SGCZ: variants seen among roughly 807,000 people sequenced by gnomAD.
SGCZ encodes sarcoglycan zeta.
In SGCZ, 40 loss-of-function variants were observed where a neutral mutation model predicts 41.3. The ratio of observed to expected loss-of-function variants is 0.97; its 90% CI spans 0.75 to 1.26. The LOEUF (loss-of-function observed/expected upper bound fraction) is 1.26. Among genes scored for constraint, SGCZ ranks in the 50% most tolerant of loss-of-function variants. SGCZ has a pLI of 0.00. For missense variants in SGCZ, 552 were observed against 369.8 expected (o/e 1.49, Z -4.04); for synonymous variants, 206 against 137.5 (o/e 1.50, Z -3.49).
chr8:14,164,724 A>C (rs1461265369), intron 4 of SGCZ, 22 bp from the exon 5 acceptor site: 2 of 1,610,832 alleles, frequency 1.2e-6, no homozygotes, highest in Non-Finnish European at 1.7e-6. Context: ...GGAAAGGTTT[A>C]AAAATGAAAC....
chr8:14,652,364 G>C, intron 1 of SGCZ, among the ~76,000 whole-genome samples: 2 of 103,016 alleles, frequency 1.9e-5, no homozygotes, highest in Admixed American at 1.1e-4. Context: ...GTGTGGGGGG[G>C]AGAAAACACT....
intron 1 of SGCZ, among the ~76,000 whole-genome samples, chr8:14,940,088 T>A (rs1260598542): frequency 6.6e-6 from 1 of 152,194 alleles, no homozygotes; most frequent in African/African-American, 2.4e-5. Context: ...CTTAAGTCAC[T>A]GGAAAACATG....
At chr8:14,965,834 T>A (rs143747568) in intron 1 of SGCZ, among the ~76,000 whole-genome samples, 2 of 152,162 alleles carry the variant, frequency 1.3e-5, no homozygotes, top group Non-Finnish European at 2.9e-5. Flanking sequence ...TATCATAAAC[T>A]ACAGCAGGGC....
chr8:14,714,871 A>T (rs1172172535), intron 1 of SGCZ, among the ~76,000 whole-genome samples: 2 of 152,104 alleles, frequency 1.3e-5, no homozygotes, highest in Non-Finnish European at 2.9e-5. Flanking sequence ...GAATGCGGGG[A>T]TGTTTTTTTC....
chr8:14,549,854 T>A (rs1803745899), intron 2 of SGCZ, among the ~76,000 whole-genome samples: 1 of 152,044 alleles, frequency 6.6e-6, no homozygotes. Context: ...AGATAGGTGA[T>A]CAGATTTGTA....
chr8:15,081,218 C>T (rs1397077491), intron 1 of SGCZ, among the ~76,000 whole-genome samples: 1 of 152,126 alleles, frequency 6.6e-6, no homozygotes, highest in Non-Finnish European at 1.5e-5. Context: ...CTTTCTGTGT[C>T]TTCCCTGAAA....
chr8:14,269,731 G>T (rs2117259531), intron 3 of SGCZ, among the ~76,000 whole-genome samples: 1 of 152,244 alleles, frequency 6.6e-6, no homozygotes, highest in African/African-American at 2.4e-5. Context: ...CATCCCCAGT[G>T]AGTGTACAAA....
At chr8:14,466,515 A>T (rs1801054987) in intron 2 of SGCZ, among the ~76,000 whole-genome samples, 2 of 151,946 alleles carry the variant, frequency 1.3e-5, no homozygotes, top group African/African-American at 2.4e-5. Flanking sequence ...TTGAAAATTC[A>T]GTGTCATTAT....
At chr8:14,448,808 C>T (rs1484588371) in intron 2 of SGCZ, among the ~76,000 whole-genome samples, 2 of 152,126 alleles carry the variant, frequency 1.3e-5, no homozygotes, top group Non-Finnish European at 2.9e-5. Context: ...GTCTTTCTGG[C>T]CTCTGACTCT....
chr8:15,212,879 C>T (rs996120970), intron 1 of SGCZ, among the ~76,000 whole-genome samples: 8 of 152,004 alleles, frequency 5.3e-5, no homozygotes, highest in African/African-American at 1.7e-4. Flanking sequence ...ACAGTATTAA[C>T]CTTCTATCTT....
In SGCZ at chr8:14,411,072, T is replaced by C. The variant is rs1053600916; in HGVS notation, c.235-86868A>G. On this transcript the variant is annotated intron_variant, in intron 2 of 7. Transcript: ENST00000382080. ...TTTAAAAAGCTAAAGAACATTTAGA[T>C]AGTAAACAACTCTACTATGAAATTA... Among the ~76,000 whole-genome samples, 3 of 152,156 alleles carry C rather than the reference T, an allele frequency of 2.0e-5. No homozygotes were observed. In the South Asian group the frequency reaches 6.2e-4, roughly 31 times the overall value.
At chr8:15,007,356 A>C (rs540245910) in intron 1 of SGCZ, among the ~76,000 whole-genome samples, 1 of 152,354 alleles carries the variant, frequency 6.6e-6, no homozygotes, top group South Asian at 2.1e-4. Flanking sequence ...TCTGAGTCTC[A>C]ATCAAAAATA....
intron 1 of SGCZ, among the ~76,000 whole-genome samples, chr8:14,832,451 G>A (rs1343920345): frequency 6.6e-6 from 1 of 152,028 alleles, no homozygotes; most frequent in Non-Finnish European, 1.5e-5. Flanking sequence ...ATAAAATGAG[G>A]GCATGGAAAA....
At chr8:14,683,013 T>A (rs570065469) in intron 1 of SGCZ, among the ~76,000 whole-genome samples, 105 of 152,304 alleles carry the variant, frequency 6.9e-4, no homozygotes, top group Non-Finnish European at 1.4e-3. Context: ...CGCCATTTAA[T>A]TTAATAGAAC....
At chr8:15,078,545 C>G (rs1462744742) in intron 1 of SGCZ, among the ~76,000 whole-genome samples, 4 of 152,002 alleles carry the variant, frequency 2.6e-5, no homozygotes, top group Non-Finnish European at 5.9e-5. Flanking sequence ...AGATATACCA[C>G]AGGTTAGATT....
chr8:14,390,333 TATA>T (rs1391095931), intron 2 of SGCZ, among the ~76,000 whole-genome samples: 3 of 143,618 alleles, frequency 2.1e-5, no homozygotes, highest in African/African-American at 8.9e-5. Context: ...AAATACGTAC[TATA>T]TTTACATTGC....
At chr8:14,863,000 G>A (rs1417312214) in intron 1 of SGCZ, among the ~76,000 whole-genome samples, 10 of 152,060 alleles carry the variant, frequency 6.6e-5, no homozygotes, top group Non-Finnish European at 1.5e-4. Flanking sequence ...GAAATAAGAA[G>A]GAAATCAATC....
In SGCZ at chr8:14,677,582, C is replaced by A. The variant is rs547113966; in HGVS notation, c.40-122656G>T. Among the ~76,000 whole-genome samples, 311 of 152,140 alleles carry A rather than the reference C, an allele frequency of 2.0e-3. 2 individuals carry two copies. Among genetic ancestry groups the A allele is most frequent in the African/African-American group, 7.3e-3 (302 of 41,516 alleles). ...GGCCAGGAGTTAGAGGCCAGCCTGG[C>A]AAATACAGTGAAACCCAGTCTCTAC... On this transcript the variant is annotated intron_variant, in intron 1 of 7. Transcript: ENST00000382080.
At chr8:14,988,629 C>T (rs1585441974) in intron 1 of SGCZ, among the ~76,000 whole-genome samples, 1 of 151,650 alleles carries the variant, frequency 6.6e-6, no homozygotes, top group South Asian at 2.1e-4. Flanking sequence ...CAATGCAGTA[C>T]AACATATTAA....
Sources: gnomAD v4.1 joint callset for allele counts (sites outside exome capture counted in the v4.1 genomes callset) on GRCh38, gnomAD v4.1.1 for gene constraint, MANE v1.5 for transcripts, NCBI Gene and HGNC (gene_info 2026-07-23, HGNC 2026-07-21) for gene names.